The following SYT1 variants were observed in gnomAD, a reference collection of about 807,000 sequenced individuals.
The protein encoded by SYT1 is synaptotagmin-1.
Under a neutral mutation model 44.8 loss-of-function variants are expected in SYT1, and 8 were observed. The ratio of observed to expected loss-of-function variants is 0.18; its 90% CI spans 0.10 to 0.32. The LOEUF (loss-of-function observed/expected upper bound fraction) is 0.32, where lower values mean the gene tolerates loss of function less well. Among genes scored for constraint, SYT1 ranks in the 10% least tolerant of loss-of-function variants. The pLI is 1.00. For missense variants in SYT1, 286 were observed against 509.3 expected (o/e 0.56, Z 4.22); for synonymous variants, 154 against 188.8 (o/e 0.82, Z 1.51).
intron 1 of SYT1, among the ~76,000 whole-genome samples, chr12:78,889,027 C>T (rs1394467165): frequency 6.6e-6 from 1 of 151,836 alleles, no homozygotes; most frequent in Non-Finnish European, 1.5e-5. Context: ...TTTTAGACTA[C>T]TATCAATTTT....
At chr12:79,142,746 C>T (rs1050235258) in intron 3 of SYT1, among the ~76,000 whole-genome samples, 5 of 152,160 alleles carry the variant, frequency 3.3e-5, no homozygotes, top group African/African-American at 1.2e-4. Flanking sequence ...GCTATCATTG[C>T]TTTTAATCAC....
At chr12:79,332,410 G>C (rs971792367) in intron 8 of SYT1, among the ~76,000 whole-genome samples, 1 of 152,142 alleles carries the variant, frequency 6.6e-6, no homozygotes, top group African/African-American at 2.4e-5. Flanking sequence ...CAGAATGAAC[G>C]ATTTGTGAAA....
At chr12:79,016,183 G>T (rs1475000105) in intron 2 of SYT1, among the ~76,000 whole-genome samples, 1 of 152,074 alleles carries the variant, frequency 6.6e-6, no homozygotes, top group Non-Finnish European at 1.5e-5. Context: ...AATATCAAAG[G>T]TTTCACATCT....
At chr12:79,219,969 C>G (rs1292459048) in intron 4 of SYT1, among the ~76,000 whole-genome samples, 3 of 151,904 alleles carry the variant, frequency 2.0e-5, no homozygotes, top group Admixed American at 2.0e-4. Context: ...TGGAAGTATT[C>G]CTTCTTCCAT....
At chr12:79,282,305 C>T (rs189153328) in intron 4 of SYT1, among the ~76,000 whole-genome samples, 94 of 152,248 alleles carry the variant, frequency 6.2e-4, no homozygotes, top group Non-Finnish European at 8.4e-4. Flanking sequence ...ACATCAGAAG[C>T]AGTTTTAAAT....
rs1877667216 is a variant in SYT1, at chr12:78,931,238, A to AGAAAGAAGGAAG, written c.-216-46558_-216-46557insAGAAGGAAGGAA. Among the ~76,000 whole-genome samples, 4 of 41,124 alleles carry AGAAAGAAGGAAG rather than the reference A, an allele frequency of 9.7e-5. 1 individual carries two copies. Among genetic ancestry groups the AGAAAGAAGGAAG allele is most frequent in the Non-Finnish European group, 1.3e-4 (3 of 23,590 alleles). 27.0% of individuals were successfully genotyped at this position (41,124 alleles called of 152,430 possible). On this transcript the variant is annotated intron_variant, in intron 1 of 10. Transcript: ENST00000261205. ...AAGAAAGAAAGAAAGAAAGAAAGAA[A>AGAAAGAAGGAAG]GAAGGAAGGAAGGAAGGAAGGAAGG... is the stretch of plus-strand genomic sequence containing the variant.
chr12:78,958,012 G>A (rs1336820081), intron 1 of SYT1, among the ~76,000 whole-genome samples: 3 of 152,014 alleles, frequency 2.0e-5, no homozygotes, highest in Admixed American at 1.3e-4. Context: ...ATAGTTTCAT[G>A]TGAGATCATA....
chr12:79,053,065 T>C (rs1874641869), intron 3 of SYT1, among the ~76,000 whole-genome samples: 1 of 152,162 alleles, frequency 6.6e-6, no homozygotes, highest in South Asian at 2.1e-4. Flanking sequence ...CATGTATGTT[T>C]ATTGCGGCAC....
chr12:79,193,622 AG>A (rs1445462050), intron 3 of SYT1, among the ~76,000 whole-genome samples: 1 of 151,758 alleles, frequency 6.6e-6, no homozygotes, highest in African/African-American at 2.4e-5. Flanking sequence ...CAGCTATTCA[AG>A]AGGCTGTGGC....
chr12:79,087,607 G>A (rs955197547), intron 3 of SYT1, among the ~76,000 whole-genome samples: 41 of 152,008 alleles, frequency 2.7e-4, no homozygotes, highest in Non-Finnish European at 8.8e-5. Flanking sequence ...AATGAGTAAG[G>A]TGCATCAAGC....
intron 3 of SYT1, among the ~76,000 whole-genome samples, chr12:79,048,789 C>A (rs913876352): frequency 6.6e-6 from 1 of 151,680 alleles, no homozygotes; most frequent in African/African-American, 2.4e-5. Flanking sequence ...ATTTTTGAAA[C>A]CTGCAAATCT....
At chr12:79,168,035 C>T (rs1251063770) in intron 3 of SYT1, among the ~76,000 whole-genome samples, 1 of 152,110 alleles carries the variant, frequency 6.6e-6, no homozygotes, top group Non-Finnish European at 1.5e-5. Flanking sequence ...CATTCTCCAT[C>T]TGCCACTCAC....
Position 78,931,179 on chromosome 12 carries a change from A to AAAAGAAAGAAAGAAAGAAAG in SYT1, c.-216-46577_-216-46558dup, listed in dbSNP as rs1165668920. Among the ~76,000 whole-genome samples, 43 of 59,862 alleles carry AAAAGAAAGAAAGAAAGAAAG rather than the reference A, an allele frequency of 7.2e-4. 1 individual carries two copies. The highest frequency in any genetic ancestry group is 1.3e-3 in the South Asian group (2 of 1,544). The allele number at this position is 59,862 out of a possible 152,430, so 39.3% of individuals were successfully genotyped here. ...GTCTGTGGAAAGAAAGAAAGAAAGA[A>AAAAGAAAGAAAGAAAGAAAG]AAAGAAAGAAAGAAAGAAAGAAAGA... On this transcript the variant is annotated intron_variant, in intron 1 of 10. Transcript: ENST00000261205.
At chr12:79,020,845 A>G (rs1872145728) in intron 2 of SYT1, among the ~76,000 whole-genome samples, 1 of 151,912 alleles carries the variant, frequency 6.6e-6, no homozygotes, top group Admixed American at 6.6e-5. Flanking sequence ...AGGCTACCTA[A>G]TGGGTGGTAA....
chr12:79,201,960 G>C (rs528269971), intron 3 of SYT1, among the ~76,000 whole-genome samples: 42 of 152,144 alleles, frequency 2.8e-4, no homozygotes, highest in Non-Finnish European at 4.7e-4. Context: ...CTAAAGAAAT[G>C]AGCCAACTGC....
At chr12:79,189,503 TAA>T (rs1352384454) in intron 3 of SYT1, among the ~76,000 whole-genome samples, 1 of 152,184 alleles carries the variant, frequency 6.6e-6, no homozygotes, top group African/African-American at 2.4e-5. Context: ...GACATTTTAT[TAA>T]GTGTTTATTA....
chr12:79,243,034 G>A (rs993306780), intron 4 of SYT1, among the ~76,000 whole-genome samples: 2 of 152,186 alleles, frequency 1.3e-5, no homozygotes, highest in African/African-American at 4.8e-5. Context: ...ATGGCAGCAG[G>A]CAAGAGAGCA....
chr12:79,308,796 C>T (rs1880612405), intron 8 of SYT1, among the ~76,000 whole-genome samples: 1 of 152,166 alleles, frequency 6.6e-6, no homozygotes, highest in Non-Finnish European at 1.5e-5. Context: ...CCTGAAACAC[C>T]ACACCAGAGC....
chr12:79,057,893 G>A (rs1219979791), intron 3 of SYT1, among the ~76,000 whole-genome samples: 3 of 151,930 alleles, frequency 2.0e-5, no homozygotes, highest in Non-Finnish European at 4.4e-5. Flanking sequence ...AATAAGGCAG[G>A]TTGGACAAGC....
Sources: gnomAD v4.1 joint callset for allele counts (sites outside exome capture counted in the v4.1 genomes callset) on GRCh38, gnomAD v4.1.1 for gene constraint, MANE v1.5 for transcripts, NCBI Gene and HGNC (gene_info 2026-07-23, HGNC 2026-07-21) for gene names.